The following PHF21B variants were observed in gnomAD, a reference collection of about 807,000 sequenced individuals.
PHF21B encodes PHD finger protein 21B, also known as PHD finger protein 4.
Under a neutral mutation model 62.2 loss-of-function variants are expected in PHF21B, and 22 were observed. The observed-to-expected ratio is 0.35, with a 90% CI of 0.25 to 0.51. The LOEUF (loss-of-function observed/expected upper bound fraction) is 0.51, where lower values mean the gene tolerates loss of function less well. PHF21B is among the 20% of genes least tolerant of loss of function. The pLI is 0.97. For missense variants in PHF21B, 701 were observed against 707.9 expected, an observed-to-expected ratio of 0.99 and a Z score of 0.11; for synonymous variants, 341 against 314.7, an observed-to-expected ratio of 1.08 and a Z score of -0.88.
intron 2 of PHF21B, among the ~76,000 whole-genome samples, chr22:45,002,200 T>C (rs373485801): frequency 3.4e-4 from 52 of 152,364 alleles, no homozygotes; most frequent in African/African-American, 1.2e-3. Context: ...TACTGTTGTA[T>C]TGACATATAT....
At chr22:44,918,624 C>A (rs573963768) in intron 3 of PHF21B, among the ~76,000 whole-genome samples, 7 of 152,352 alleles carry the variant, frequency 4.6e-5, no homozygotes, top group Middle Eastern at 3.4e-3. Context: ...CCGTGAGCCA[C>A]CTGGGACAGC....
rs1343853380 is a variant in PHF21B, at chr22:45,009,850, C to G, written c.-301G>C. 6.8e-6 allele frequency: 1 copy of G among 146,420 alleles called. No homozygotes were observed. Among genetic ancestry groups the G allele is most frequent in the Admixed American group, 6.8e-5 (1 of 14,686 alleles). 9.1% of individuals were successfully genotyped at this position (146,420 alleles called of 1,614,324 possible). On this transcript the variant is annotated 5_prime_UTR_variant, in exon 1 of 13. Coordinates refer to ENST00000313237, the MANE Select transcript of PHF21B (RefSeq NM_138415.5). The surrounding 1 kb of genome is among the most constrained non-coding windows in gnomAD (Gnocchi z 5.9). ...ATGGCCCCCCCGGCGCCGGGAGCCC[C>G]GCGCAGCCCCGCGCGCGCCCGCCCA...
In PHF21B at chr22:44,898,000, G is replaced by A. The variant is rs578157956; in HGVS notation, c.832-1917C>T. The stretch of plus-strand genomic sequence containing the variant: ...ATTTTTAAATTTTTTGTAGAGATGA[G>A]GTCTTGCTATGTTACCCAGGCTAGT... On this transcript the variant is annotated intron_variant, in intron 5 of 12. Coordinates refer to ENST00000313237, the MANE Select transcript of PHF21B (RefSeq NM_138415.5). Among the ~76,000 whole-genome samples, 220 of 152,190 alleles carry A rather than the reference G, an allele frequency of 1.4e-3. 2 individuals carry two copies. The highest frequency in any genetic ancestry group is 4.9e-3 in the African/African-American group (205 of 41,508).
At chr22:44,926,772 A>G (rs1271282349) in intron 2 of PHF21B, among the ~76,000 whole-genome samples, 1 of 152,030 alleles carries the variant, frequency 6.6e-6, no homozygotes, top group East Asian at 1.9e-4. Context: ...AGGGGTGGCC[A>G]TGTATCCGTG....
At chr22:44,958,608 T>TG (rs2072352953) in intron 2 of PHF21B, among the ~76,000 whole-genome samples, 1 of 128,756 alleles carries the variant, frequency 7.8e-6, no homozygotes, top group Non-Finnish European at 1.6e-5. Context: ...ATTTTTTTTT[T>TG]TTTTTTTTTT....
intron 2 of PHF21B, among the ~76,000 whole-genome samples, chr22:44,954,812 T>C (rs1215254781): frequency 6.6e-6 from 1 of 152,232 alleles, no homozygotes; most frequent in Non-Finnish European, 1.5e-5. Context: ...AGGAGTGGTC[T>C]GGCCCCGCTG....
At chr22:44,946,631 A>ATGGG (rs1253739220) in intron 2 of PHF21B, among the ~76,000 whole-genome samples, 9 of 149,430 alleles carry the variant, frequency 6.0e-5, no homozygotes, top group Non-Finnish European at 1.0e-4. Context: ...GGATGGGTGG[A>ATGGG]TGGATGGATG....
chr22:44,908,426 G>C (rs1201974156), intron 5 of PHF21B, among the ~76,000 whole-genome samples: 1 of 152,146 alleles, frequency 6.6e-6, no homozygotes, highest in Non-Finnish European at 1.5e-5. Context: ...TGGGGTCTGA[G>C]AGCTACTGAA....
At chr22:44,890,287 T>G (rs1452354663) in intron 8 of PHF21B, among the ~76,000 whole-genome samples, 1 of 152,186 alleles carries the variant, frequency 6.6e-6, no homozygotes, top group Non-Finnish European at 1.5e-5. Context: ...TCAAAGTGAC[T>G]TATTTTCAAC....
chr22:44,969,518 T>C (rs1443316048), intron 2 of PHF21B, among the ~76,000 whole-genome samples: 3 of 151,874 alleles, frequency 2.0e-5, no homozygotes, highest in African/African-American at 7.3e-5. Context: ...ATACAAAAAT[T>C]AGCCAGGCGT....
rs940722994 is a variant in PHF21B, at chr22:44,921,745, G to A, written c.121-1255C>T. On this transcript the variant is annotated intron_variant, in intron 2 of 12. Coordinates refer to ENST00000313237, the MANE Select transcript of PHF21B (RefSeq NM_138415.5). Reference sequence around the variant, plus strand: ...GTGATCTTGGCTCACTGCAACCTCCGCCTCCTAGGTTCAAGTGATTCTCCC... The same window carrying A: ...GTGATCTTGGCTCACTGCAACCTCCACCTCCTAGGTTCAAGTGATTCTCCC... Among the ~76,000 whole-genome samples the A allele has an allele frequency of 4.6e-5, 7 of 151,528 alleles. No individual in the cohort carries two copies. In the South Asian group the frequency reaches 6.3e-4, roughly 14 times the overall value.
chr22:45,003,410 G>GAC (rs2073255638), intron 2 of PHF21B: 1 of 149,592 alleles, frequency 6.7e-6, no homozygotes, highest in Non-Finnish European at 1.5e-5. Flanking sequence ...GGAGCTTACA[G>GAC]TCTAGCACAG....
intron 2 of PHF21B, among the ~76,000 whole-genome samples, chr22:44,926,385 TC>T (rs1225856047): frequency 6.6e-6 from 1 of 152,164 alleles, no homozygotes; most frequent in African/African-American, 2.4e-5. Context: ...GGCCAGCATA[TC>T]CAATAGGGGC....
chr22:44,903,234 T>A (rs1369453885), intron 5 of PHF21B, among the ~76,000 whole-genome samples: 1 of 152,156 alleles, frequency 6.6e-6, no homozygotes, highest in Non-Finnish European at 1.5e-5. Flanking sequence ...CTAGCTCAGA[T>A]ACTCCCTTTC....
At chr22:44,922,865 T>C (rs2071562141) in intron 2 of PHF21B, among the ~76,000 whole-genome samples, 1 of 152,180 alleles carries the variant, frequency 6.6e-6, no homozygotes, top group Admixed American at 6.5e-5. Context: ...ATCAGAAGCC[T>C]CAACATTGTT....
In PHF21B at chr22:44,887,039, C is replaced by A. The variant is rs1009235125; in HGVS notation, c.1197+924G>T. 9.2e-5 allele frequency among the ~76,000 whole-genome samples: 14 copies of A among 151,796 alleles called. 1 individual carries two copies. The Middle Eastern group carries it at 0.01, about 111-fold the overall frequency. ...GGAGTGGTGGCGCATGCCTGTAATCCCAGCTACTTGGGAGGCTGAAGCAGG... is the reference window on the plus strand; with the variant it reads ...GGAGTGGTGGCGCATGCCTGTAATCACAGCTACTTGGGAGGCTGAAGCAGG... On this transcript the variant is annotated intron_variant, in intron 10 of 12. Coordinates refer to ENST00000313237, the MANE Select transcript of PHF21B (RefSeq NM_138415.5).
At chr22:45,003,993 A>C (rs1449387671) in intron 2 of PHF21B, among the ~76,000 whole-genome samples, 2 of 152,308 alleles carry the variant, frequency 1.3e-5, no homozygotes, top group Non-Finnish European at 2.9e-5. Context: ...ATATATACAC[A>C]CACACATAGT....
At chr22:44,973,226 C>G (rs1186543118) in intron 2 of PHF21B, among the ~76,000 whole-genome samples, 1 of 152,094 alleles carries the variant, frequency 6.6e-6, no homozygotes, top group Non-Finnish European at 1.5e-5. Context: ...CACCCTGTCC[C>G]CTCCCTGTCC....
intron 6 of PHF21B, among the ~76,000 whole-genome samples, chr22:44,895,152 G>A (rs1200162032): frequency 6.6e-6 from 1 of 152,158 alleles, no homozygotes; most frequent in African/African-American, 2.4e-5. Context: ...TTCTGGGTTG[G>A]GAGTCAGGAG....
Sources: allele counts gnomAD v4.1 joint callset (sites outside exome capture counted in the v4.1 genomes callset), GRCh38; gene constraint gnomAD v4.1.1; non-coding constraint Gnocchi (gnomAD v3.1); transcripts MANE v1.5; gene names NCBI Gene and HGNC (gene_info 2026-07-23, HGNC 2026-07-21).